The following RALYL variants were observed in gnomAD, a reference collection of about 807,000 sequenced individuals.
RALYL encodes RALY RNA binding protein like, also known as RNA-binding Raly-like protein.
In RALYL, 29 loss-of-function variants were observed where a neutral mutation model predicts 35.1. The ratio of observed to expected loss-of-function variants is 0.83; its 90% CI spans 0.61 to 1.13. The LOEUF is 1.13. Ranked by LOEUF, RALYL falls within the 50% of genes most tolerant of loss-of-function variation. The pLI, the probability that RALYL is intolerant of heterozygous loss-of-function variation, is 0.00. For synonymous variants in RALYL, 120 were observed against 127.6 expected (o/e 0.94, Z 0.40); for missense variants, 359 against 360.4 (o/e 1.00, Z 0.03).
At chr8:84,856,204 A>T (rs1836946072) in intron 5 of RALYL, among the ~76,000 whole-genome samples, 1 of 152,208 alleles carries the variant, frequency 6.6e-6, no homozygotes, top group Non-Finnish European at 1.5e-5. Flanking sequence ...ACATGTGTTG[A>T]CTGGTTAAGC....
intron 1 of RALYL, among the ~76,000 whole-genome samples, chr8:84,298,421 T>C (rs930701660): frequency 1.4e-4 from 22 of 152,000 alleles, no homozygotes; most frequent in Non-Finnish European, 1.6e-4. Flanking sequence ...TTGTCTATTG[T>C]GTTTGTATTT....
chr8:84,311,092 T>TAA (rs1563712560), intron 1 of RALYL, among the ~76,000 whole-genome samples: 2 of 53,586 alleles, frequency 3.7e-5, no homozygotes, highest in African/African-American at 6.9e-5. Flanking sequence ...AAAAAAAAAA[T>TAA]GTATATTAAT....
chr8:84,796,067 C>A (rs1276535930), intron 3 of RALYL, among the ~76,000 whole-genome samples: 1 of 152,164 alleles, frequency 6.6e-6, no homozygotes, highest in Non-Finnish European at 1.5e-5. Context: ...ACTGTGAGTA[C>A]ATGCTTGAGG....
Position 84,311,053 on chromosome 8 carries a change from C to CAAAAAAAAAAAAAAAA in RALYL, c.-24+126652_-24+126667dup, listed in dbSNP as rs34029529. Among the ~76,000 whole-genome samples, 6 of 9,530 alleles carry CAAAAAAAAAAAAAAAA rather than the reference C, an allele frequency of 6.3e-4. 1 individual carries two copies. Among genetic ancestry groups the CAAAAAAAAAAAAAAAA allele is most frequent in the African/African-American group, 2.1e-3 (5 of 2,402 alleles). 6.3% of individuals were successfully genotyped at this position (9,530 alleles called of 152,430 possible). ...TGGGCGACAGAGCGAGACTCCGTCTCAAAAAAAAAAAAAAAAAAAAAAAAA... is the reference window on the plus strand; with the variant it reads ...TGGGCGACAGAGCGAGACTCCGTCTCAAAAAAAAAAAAAAAAAAAAAAAAAAAAAAAAAAAAAAAAA... On this transcript the variant is annotated intron_variant, in intron 1 of 8. Coordinates refer to ENST00000521268, the MANE Select transcript of RALYL (RefSeq NM_173848.7).
At chr8:84,689,015 G>T (rs1427036566) in intron 2 of RALYL, among the ~76,000 whole-genome samples, 1 of 151,318 alleles carries the variant, frequency 6.6e-6, no homozygotes, top group Non-Finnish European at 1.5e-5. Flanking sequence ...ACCGCAATAA[G>T]ATATTAACTC....
chr8:84,468,279 T>G (rs1286627905), intron 1 of RALYL, among the ~76,000 whole-genome samples: 1 of 152,190 alleles, frequency 6.6e-6, no homozygotes. Context: ...CAGCGGCTGG[T>G]ACCCGTTGTT....
At chr8:84,614,309 A>G (rs1172753771) in intron 2 of RALYL, among the ~76,000 whole-genome samples, 2 of 151,608 alleles carry the variant, frequency 1.3e-5, no homozygotes, top group African/African-American at 2.4e-5. Context: ...AGTTCTCCCT[A>G]CACTCAAATT....
chr8:84,331,751 A>G (rs1295336465), intron 1 of RALYL, among the ~76,000 whole-genome samples: 1 of 151,504 alleles, frequency 6.6e-6, no homozygotes, highest in African/African-American at 2.4e-5. Flanking sequence ...TTATTTTCTC[A>G]TAAAAATGAC....
At chr8:84,879,216 A>C (rs1240517586) in intron 7 of RALYL, among the ~76,000 whole-genome samples, 1 of 152,158 alleles carries the variant, frequency 6.6e-6, no homozygotes, top group African/African-American at 2.4e-5. Flanking sequence ...TTAAGACATC[A>C]AAATTGATGA....
intron 2 of RALYL, among the ~76,000 whole-genome samples, chr8:84,757,146 A>C (rs1811616668): frequency 6.6e-6 from 1 of 152,138 alleles, no homozygotes. Context: ...ATATGAATAA[A>C]ATTTAGAGAT....
chr8:84,533,231 A>C (rs1311334321), intron 2 of RALYL, among the ~76,000 whole-genome samples: 1 of 152,142 alleles, frequency 6.6e-6, no homozygotes. Context: ...TAAGTTTGTT[A>C]ATATTGGAAA....
At chr8:84,622,101 A>T (rs1168369528) in intron 2 of RALYL, among the ~76,000 whole-genome samples, 1 of 152,240 alleles carries the variant, frequency 6.6e-6, no homozygotes, top group Non-Finnish European at 1.5e-5. Flanking sequence ...CTACTGTATC[A>T]GTTATAGAAT....
intron 1 of RALYL, among the ~76,000 whole-genome samples, chr8:84,328,000 G>A (rs530573316): frequency 2.0e-5 from 3 of 152,326 alleles, no homozygotes; most frequent in Admixed American, 2.0e-4. Flanking sequence ...AGGAGGGAAA[G>A]GAGGACCACA....
chr8:84,497,901 A>T (rs1369101531), intron 1 of RALYL, among the ~76,000 whole-genome samples: 3 of 151,554 alleles, frequency 2.0e-5, no homozygotes, highest in African/African-American at 7.3e-5. Context: ...TCAGCCTGCC[A>T]AAGTGCTGGG....
At chr8:84,282,778 GTA>G (rs1187349124) in intron 1 of RALYL, among the ~76,000 whole-genome samples, 1 of 128,632 alleles carries the variant, frequency 7.8e-6, no homozygotes, top group Non-Finnish European at 1.7e-5. Flanking sequence ...GTGTGTGTGT[GTA>G]TACATATATA....
At chr8:84,662,995 C>T (rs1406985140) in intron 2 of RALYL, among the ~76,000 whole-genome samples, 2 of 152,016 alleles carry the variant, frequency 1.3e-5, no homozygotes, top group Non-Finnish European at 2.9e-5. Flanking sequence ...CCTCCCACCC[C>T]TCAACAGGCT....
At position 84,834,927 on chromosome 8, in the gene RALYL, C is replaced by A. The variant is rs1288609365; in HGVS notation, c.366-15053C>A. Among the ~76,000 whole-genome samples the A allele has an allele frequency of 2.0e-5, 3 of 152,068 alleles. No individual in the cohort carries two copies. The East Asian group carries it at 5.8e-4, about 29-fold the overall frequency. ...AGAGCTTATGATCTAGTGAGATAGA[C>A]TCATAAACAGCCAAATACAATATAA... On this transcript the variant is annotated intron_variant, in intron 4 of 8. Transcript: ENST00000521268.
intron 4 of RALYL, among the ~76,000 whole-genome samples, chr8:84,812,073 C>G (rs933393560): frequency 6.6e-6 from 1 of 152,032 alleles, no homozygotes; most frequent in African/African-American, 2.4e-5. Context: ...GTTTAAGAGC[C>G]TGTTTTGTCA....
chr8:84,210,508 G>T (rs1819232059), intron 1 of RALYL, among the ~76,000 whole-genome samples: 1 of 151,494 alleles, frequency 6.6e-6, no homozygotes, highest in South Asian at 2.1e-4. Flanking sequence ...AAAAGCTATT[G>T]TGATGTAATA....
Sources: gnomAD v4.1 joint callset for allele counts (sites outside exome capture counted in the v4.1 genomes callset) on GRCh38, gnomAD v4.1.1 for gene constraint, MANE v1.5 for transcripts, NCBI Gene and HGNC (gene_info 2026-07-23, HGNC 2026-07-21) for gene names.